Variants in DHX8 observed in about 807,000 individuals in gnomAD.
The protein encoded by DHX8 is DEAH-box helicase 8.
Under a neutral mutation model 140.7 loss-of-function variants are expected in DHX8, and 67 were observed. The ratio of observed to expected loss-of-function variants is 0.48; its 90% CI spans 0.39 to 0.58. The LOEUF is 0.58. DHX8 is among the 20% of genes least tolerant of loss of function. The pLI is 0.00. For missense variants in DHX8, 887 were observed against 1,550.7 expected, an observed-to-expected ratio of 0.57 and a Z score of 7.19; for synonymous variants, 533 against 553.2, an observed-to-expected ratio of 0.96 and a Z score of 0.51.
In DHX8 at chr17:43,508,463, T is replaced by C. The variant is rs1438442413; in HGVS notation, c.2445T>C (p.Ala815=). The C allele has an allele frequency of 6.2e-7, 1 of 1,613,868 alleles. No homozygotes were observed. Among genetic ancestry groups the C allele is most frequent in the Non-Finnish European group, 8.5e-7 (1 of 1,179,872 alleles). The change falls in exon 16 of 23, where the codon GCT becomes GCC. Residue 815 remains alanine (A), a synonymous_variant. Coordinates refer to ENST00000262415, the MANE Select transcript of DHX8 (RefSeq NM_004941.3). ...PELIILPVYS[A]LPSEMQTRIF... is the part of the protein sequence containing the mutation. ...TAATTATCCTCCCAGTGTACTCTGC[T>C]CTTCCCAGTGAGATGCAGACCCGAA...
Position 43,507,090 on chromosome 17 carries a change from G to T in DHX8, c.1816G>T (p.Gly606Cys), listed in dbSNP as rs958652805. 6.2e-7 allele frequency: 1 copy of T among 1,613,928 alleles called. No homozygotes were observed. Among genetic ancestry groups the T allele is most frequent in the African/African-American group, 1.3e-5 (1 of 74,878 alleles). ...TQITQYLAEA[G>C]YTSRGKIGCT... ...GATCACCCAGTACCTGGCGGAGGCA[G>T]GCTACACTTCCAGGGGCAAGATTGG... The change falls in exon 13 of 23, where the codon GGC becomes TGC. Residue 606 changes from glycine to cysteine, a missense_variant. Gly to Cys is a radical substitution (Grantham distance 159, BLOSUM62 -3). This residue lies in a region of DHX8 where 178 missense variants were observed against 398.5 expected (regional missense o/e 0.45). Coordinates refer to ENST00000262415, the MANE Select transcript of DHX8 (RefSeq NM_004941.3).
At position 43,489,459 on chromosome 17, in the gene DHX8, G is replaced by T; in HGVS notation, c.159G>T (p.Val53=). ...GTTTCTTATTTGCAGCTGAATTTGT[G>T]ATCAGTCTTGCTGAGAAAAATACCA... ...GINDKDLAEF[V]ISLAEKNTTF... is the part of the protein sequence containing the mutation. Residue 53 remains valine (V), a synonymous_variant, in exon 2 of 23, where the codon GTG becomes GTT. Coordinates refer to ENST00000262415, the MANE Select transcript of DHX8 (RefSeq NM_004941.3). 1 of 1,604,594 alleles carries T rather than the reference G, an allele frequency of 6.2e-7. No homozygotes were observed. Among genetic ancestry groups the T allele is most frequent in the Non-Finnish European group, 8.5e-7 (1 of 1,176,392 alleles).
intron 3 of DHX8, chr17:43,543,766 T>A (rs968662440): frequency 7.2e-5 from 11 of 152,196 alleles, no homozygotes; most frequent in African/African-American, 2.7e-4. Context: ...CCTCCAGCAC[T>A]CACACAGCCA....
rs529421058 is a variant in DHX8, at chr17:43,484,007, T to C, written c.-31T>C. 3 of 1,612,354 alleles carry C rather than the reference T, an allele frequency of 1.9e-6. No homozygotes were observed. Among genetic ancestry groups the C allele is most frequent in the Admixed American group, 3.3e-5 (2 of 59,734 alleles). ...CCGGAGTAGCTCTGAGCGCCGGCTG[T>C]GAGGAAGGAGGTTCTGGGCAAGCTA... On this transcript the variant is annotated 5_prime_UTR_variant, in exon 1 of 23. Transcript: ENST00000262415.
intron 2 of DHX8, chr17:43,536,358 T>C (rs1469501383): frequency 7.2e-7 from 1 of 1,381,324 alleles, no homozygotes; most frequent in Non-Finnish European, 1.0e-6. Context: ...CTTGTGATTC[T>C]CTATCCTATG....
intron 15 of DHX8, 35 bp downstream of exon 15, chr17:43,508,054 C>G: frequency 3.8e-6 from 6 of 1,598,292 alleles, no homozygotes; most frequent in Non-Finnish European, 5.1e-6. Context: ...TTTTGGGAGG[C>G]CTAATTTTCC....
intron 17 of DHX8, among the ~76,000 whole-genome samples, chr17:43,514,846 TATCTA>T (rs1356416721): frequency 2.0e-5 from 3 of 152,342 alleles, no homozygotes; most frequent in Admixed American, 1.3e-4. Context: ...TGGTGGTGTG[TATCTA>T]TATTTAATGA....
downstream of DHX8, chr17:43,525,704 A>ATTTTTGTTTTTGTTTTTGTT: frequency 1.0e-6 from 1 of 983,564 alleles, no homozygotes; most frequent in Non-Finnish European, 1.2e-6. Flanking sequence ...TCCTGAGCTC[A>ATTTTTGTTTTTGTTTTTGTT]AGTGATCTTC....
In DHX8 at chr17:43,536,117, AAAAC is replaced by A. The variant is rs113078365; in HGVS notation, c.351-272_351-269del. 0.22 allele frequency among the ~76,000 whole-genome samples: 33,361 copies of A among 151,608 alleles called. 3,921 individuals are homozygous for A. Among genetic ancestry groups the A allele is most frequent in the East Asian group, 0.32 (1,645 of 5,126 alleles). ...CAGAGCAAGACTCTGTCTTGGGGGG[AAAAC>A]AAACAAACAAACAAACAAACAACAC... On this transcript the variant is annotated intron_variant, in intron 2 of 3. Coordinates refer to the DHX8 transcript ENST00000589898.
chr17:43,489,695 A>G (rs1283468630), intron 2 of DHX8, among the ~76,000 whole-genome samples, 161 bp downstream of exon 2: 1 of 149,784 alleles, frequency 6.7e-6, no homozygotes, highest in African/African-American at 2.5e-5. Flanking sequence ...GGTTCACGCC[A>G]TTCTCTTGCC....
At chr17:43,536,472 T>C in exon 3 of DHX8, 1 of 1,614,226 alleles carries the variant, frequency 6.2e-7, no homozygotes, top group South Asian at 1.1e-5. Flanking sequence ...CACTGTCTGG[T>C]ACCTGAGCTG....
At position 43,520,843 on chromosome 17, in the gene DHX8, C is replaced by T. The variant is rs1270769273; in HGVS notation, c.3030C>T (p.Ser1010=). 1.2e-6 allele frequency: 2 copies of T among 1,613,980 alleles called. No individual in the cohort carries two copies. Among genetic ancestry groups the T allele is most frequent in the Non-Finnish European group, 1.7e-6 (2 of 1,179,994 alleles). Residue 1010 remains serine, a synonymous_variant, in exon 20 of 23, where the codon TCC becomes TCT. Coordinates refer to ENST00000262415, the MANE Select transcript of DHX8 (RefSeq NM_004941.3). Reference sequence around the variant, plus strand: ...GTGAGGAAATGCTGACCATTGTATCCATGCTGTCTGTGCAGAACGTCTTCT... The same window carrying T: ...GTGAGGAAATGCTGACCATTGTATCTATGCTGTCTGTGCAGAACGTCTTCT... ...GCSEEMLTIV[S]MLSVQNVFYR...
intron 16 of DHX8, 81 bp downstream of exon 16, chr17:43,508,601 T>G: frequency 1.1e-6 from 1 of 933,370 alleles, no homozygotes; most frequent in East Asian, 2.5e-5. Context: ...TAGGGATTGC[T>G]TAGGGTGTAT....
chr17:43,526,626 C>T (rs1416632320), downstream of DHX8: 1 of 1,535,146 alleles, frequency 6.5e-7, no homozygotes, highest in Non-Finnish European at 8.7e-7. Flanking sequence ...AGAGGGCCAT[C>T]ATCTCAGCTT....
At chr17:43,522,353 T>TA (rs1970416369) in intron 22 of DHX8, 127 bp downstream of exon 22, 1 of 920,042 alleles carries the variant, frequency 1.1e-6, no homozygotes, top group African/African-American at 1.7e-5. Flanking sequence ...CTTGCCTTTC[T>TA]AGAGCAGCAG....
intron 16 of DHX8, among the ~76,000 whole-genome samples, chr17:43,510,037 G>T (rs1326837470): frequency 6.6e-6 from 1 of 150,656 alleles, no homozygotes; most frequent in Non-Finnish European, 1.5e-5. Context: ...ACTGTTTTTT[G>T]TTTGTTTGTT....
intron 22 of DHX8, among the ~76,000 whole-genome samples, chr17:43,522,502 A>C (rs1254436843): frequency 5.3e-5 from 8 of 152,004 alleles, no homozygotes; most frequent in African/African-American, 9.7e-5. Context: ...TAATCCCAGC[A>C]CTTTGGGAGG....
At chr17:43,495,495 T>C (rs938835141) in intron 8 of DHX8, among the ~76,000 whole-genome samples, 1 of 152,102 alleles carries the variant, frequency 6.6e-6, no homozygotes, top group African/African-American at 2.4e-5. Flanking sequence ...AGTGCTCATC[T>C]CAAACTCCTG....
intron 16 of DHX8, among the ~76,000 whole-genome samples, chr17:43,510,669 A>G (rs375666633): frequency 6.6e-6 from 1 of 152,200 alleles, no homozygotes; most frequent in Non-Finnish European, 1.5e-5. Context: ...GAACCAGCAG[A>G]TACAGAGGGC....
Sources: gnomAD v4.1 joint callset for allele counts (sites outside exome capture counted in the v4.1 genomes callset) on GRCh38, gnomAD v4.1.1 for gene constraint, gnomAD v4.1.1 regional missense constraint, MANE v1.5 for transcripts, NCBI Gene and HGNC (gene_info 2026-07-23, HGNC 2026-07-21) for gene names.